The following CLCA4 variants were observed in gnomAD, a reference collection of about 807,000 sequenced individuals.
CLCA4 encodes calcium-activated chloride channel regulator 4.
Under a neutral mutation model 78.9 loss-of-function variants are expected in CLCA4, and 69 were observed. The ratio of observed to expected loss-of-function variants is 0.87; its 90% confidence interval spans 0.72 to 1.07. The LOEUF is 1.07. Among genes scored for constraint, CLCA4 ranks in the 50% least tolerant of loss-of-function variants. The probability of loss-of-function intolerance (pLI) is 0.00; values close to 1 mark genes in which losing one functional copy is unlikely to be tolerated. For missense variants in CLCA4, 1,133 were observed against 1,095.8 expected, an observed-to-expected ratio of 1.03 and a Z score of -0.48; for synonymous variants, 362 against 375.8, an observed-to-expected ratio of 0.96 and a Z score of 0.42.
Position 86,580,463 on chromosome 1 carries a change from C to T in CLCA4, c.*118C>T. ...TTCATCCCATGTGTGATCATAAACT[C>T]ATAAAAATAATTTTAAGATGTCGGA... On this transcript the variant is annotated 3_prime_UTR_variant, in exon 14 of 14. Coordinates refer to ENST00000370563, the MANE Select transcript of CLCA4 (RefSeq NM_012128.4). 1.4e-6 allele frequency: 1 copy of T among 693,984 alleles called. No homozygotes were observed. Among genetic ancestry groups the T allele is most frequent in the Non-Finnish European group, 2.1e-6 (1 of 480,218 alleles). The allele number at this position is 693,984 out of a possible 1,614,324, so 43.0% of individuals were successfully genotyped here. A position where few individuals can be genotyped will look rare whatever the true frequency, so the allele number is the denominator to read the frequency against.
intron 7 of CLCA4, among the ~76,000 whole-genome samples, chr1:86,568,302 C>T (rs968476443): frequency 6.6e-6 from 1 of 150,640 alleles, no homozygotes; most frequent in Non-Finnish European, 1.5e-5. Context: ...TGAAATGATA[C>T]ATTTACATAC....
chr1:86,573,201 A>G (rs1266567260), intron 9 of CLCA4, among the ~76,000 whole-genome samples: 1 of 151,942 alleles, frequency 6.6e-6, no homozygotes, highest in Non-Finnish European at 1.5e-5. Flanking sequence ...ATCATTGTCT[A>G]TCTACAAACA....
At chr1:86,564,686 T>C (rs1650124404) in intron 4 of CLCA4, among the ~76,000 whole-genome samples, 1 of 152,160 alleles carries the variant, frequency 6.6e-6, no homozygotes, top group Admixed American at 6.5e-5. Flanking sequence ...TTGTAATCAC[T>C]GCCACCTGTG....
chr1:86,574,352 TAA>T (rs1374926990), intron 9 of CLCA4, among the ~76,000 whole-genome samples, 186 bp from the exon 10 acceptor site: 1 of 152,108 alleles, frequency 6.6e-6, no homozygotes, highest in Non-Finnish European at 1.5e-5. Context: ...GTTTCTGCTC[TAA>T]GTCTCTTACT....
At chr1:86,549,135 G>A (rs1211986077) in intron 1 of CLCA4, among the ~76,000 whole-genome samples, 2 of 152,122 alleles carry the variant, frequency 1.3e-5, no homozygotes, top group African/African-American at 4.8e-5. Flanking sequence ...TCAGGAAGGG[G>A]GATATGGAGT....
At chr1:86,568,249 G>GA (rs1461686447) in intron 7 of CLCA4, among the ~76,000 whole-genome samples, 2 of 151,420 alleles carry the variant, frequency 1.3e-5, no homozygotes, top group Non-Finnish European at 3.0e-5. Context: ...TACAATATAG[G>GA]AAATAGGAAT....
At chr1:86,571,927 T>C (rs1215356742) in intron 8 of CLCA4, among the ~76,000 whole-genome samples, 1 of 152,072 alleles carries the variant, frequency 6.6e-6, no homozygotes, top group Non-Finnish European at 1.5e-5. Flanking sequence ...TTATGTTGAA[T>C]TGGCTTCTAA....
intron 10 of CLCA4, among the ~76,000 whole-genome samples, 180 bp downstream of exon 10, chr1:86,574,935 C>G (rs1650464644): frequency 6.6e-6 from 1 of 151,896 alleles, no homozygotes; most frequent in South Asian, 2.1e-4. Flanking sequence ...ACTTATATAT[C>G]AAGAAGAAGG....
chr1:86,566,163 T>A (rs1029477211), intron 6 of CLCA4, 143 bp downstream of exon 6: 1 of 545,196 alleles, frequency 1.8e-6, no homozygotes, highest in African/African-American at 2.0e-5. Flanking sequence ...TTCAAGATAC[T>A]GCAGCAAAAT....
intron 7 of CLCA4, among the ~76,000 whole-genome samples, chr1:86,568,586 C>T (rs1005700190): frequency 1.3e-5 from 2 of 151,810 alleles, no homozygotes; most frequent in Non-Finnish European, 2.9e-5. Flanking sequence ...CTCCCCCGCT[C>T]AGTAAAATTG....
chr1:86,575,700 T>G, intron 11 of CLCA4, 101 bp downstream of exon 11: 1 of 1,088,562 alleles, frequency 9.2e-7, no homozygotes, highest in Non-Finnish European at 1.4e-6. Flanking sequence ...ACAGAATTGA[T>G]GCAGATTAAG....
At chr1:86,565,737 G>GATTTTTTTAAATCAAATTTTAAA (rs1650164006) in intron 5 of CLCA4, 65 bp from the exon 6 acceptor site, 1 of 1,001,914 alleles carries the variant, frequency 1.0e-6, no homozygotes, top group Non-Finnish European at 1.4e-6. Context: ...AATTTTTCAG[G>GATTTTTTTAAATCAAATTTTAAA]TTTGTAGTTT....
rs369602222 is a variant in CLCA4, at chr1:86,575,478, A to G, written c.1830A>G (p.Pro610=). The change falls in exon 11 of 14, where the codon CCA becomes CCG. Residue 610 remains proline (P), a synonymous_variant. Transcript: ENST00000370563. ...MNKDVNSFPS[P]MIVYAEILQG... is the part of the protein sequence containing the mutation. ...AGGACGTAAACAGTTTCCCCAGCCC[A>G]ATGATTGTTTACGCAGAAATTCTAC... The G allele has an allele frequency of 2.4e-5, 38 of 1,613,380 alleles. No homozygotes were observed. In the African/African-American group the frequency reaches 4.1e-4, roughly 18 times the overall value.
intron 1 of CLCA4, among the ~76,000 whole-genome samples, chr1:86,550,833 C>CT (rs776646480): frequency 0.066 from 8,850 of 134,438 alleles, 712 homozygotes; most frequent in East Asian, 0.43. Flanking sequence ...GGGATCATTT[C>CT]TTTTTTTTTT....
intron 3 of CLCA4, among the ~76,000 whole-genome samples, chr1:86,561,023 T>G (rs1383221505): frequency 1.3e-5 from 2 of 152,242 alleles, no homozygotes; most frequent in Non-Finnish European, 2.9e-5. Flanking sequence ...AATGGGAACC[T>G]TGCTGAATCC....
At chr1:86,552,411 C>T (rs1350806023) in intron 1 of CLCA4, among the ~76,000 whole-genome samples, 1 of 152,202 alleles carries the variant, frequency 6.6e-6, no homozygotes, top group Non-Finnish European at 1.5e-5. Flanking sequence ...GGAGAACAGC[C>T]ATCTCTGCCT....
intron 3 of CLCA4, among the ~76,000 whole-genome samples, chr1:86,561,599 A>G (rs926526006): frequency 6.6e-6 from 1 of 152,172 alleles, no homozygotes; most frequent in Non-Finnish European, 1.5e-5. Flanking sequence ...CAAGATCTCC[A>G]GGCACTCTTC....
At chr1:86,579,651 GTAA>G in intron 13 of CLCA4, 64 bp downstream of exon 13, 3 of 611,252 alleles carry the variant, frequency 4.9e-6, no homozygotes, top group Non-Finnish European at 9.4e-6. Context: ...AAACAGGGGT[GTAA>G]GGGTGGGTGG....
chr1:86,548,811 G>A (rs907611236), intron 1 of CLCA4, among the ~76,000 whole-genome samples: 5 of 152,028 alleles, frequency 3.3e-5, no homozygotes, highest in African/African-American at 9.7e-5. Flanking sequence ...AAGCAGTGTG[G>A]TGCAGTGAGG....
Sources: allele counts gnomAD v4.1 joint callset (sites outside exome capture counted in the v4.1 genomes callset), GRCh38; gene constraint gnomAD v4.1.1; transcripts MANE v1.5; gene names NCBI Gene and HGNC (gene_info 2026-07-23, HGNC 2026-07-21).